Variants in GALNT14 observed in about 807,000 individuals in gnomAD.
The protein encoded by GALNT14 is polypeptide N-acetylgalactosaminyltransferase 14.
GALNT14 carries 60 observed loss-of-function variants against 77.5 expected under a neutral mutation model. The ratio of observed to expected loss-of-function variants is 0.77; its 90% CI spans 0.63 to 0.96. The LOEUF is 0.96. GALNT14 is among the 40% of genes least tolerant of loss of function. The pLI, the probability that GALNT14 is intolerant of heterozygous loss-of-function variation, is 0.00. For missense variants in GALNT14, 710 were observed against 731.0 expected, an observed-to-expected ratio of 0.97 and a Z score of 0.33; for synonymous variants, 280 against 281.7, an observed-to-expected ratio of 0.99 and a Z score of 0.06.
At chr2:30,957,497 T>A (rs535857050) in intron 4 of GALNT14, among the ~76,000 whole-genome samples, 1 of 152,260 alleles carries the variant, frequency 6.6e-6, no homozygotes, top group South Asian at 2.1e-4. Flanking sequence ...TCCAAGCTCT[T>A]CCTCACTGGG....
intron 6 of GALNT14, among the ~76,000 whole-genome samples, chr2:30,952,601 G>T (rs1667092715): frequency 7.6e-6 from 1 of 131,130 alleles, no homozygotes; most frequent in Admixed American, 8.4e-5. Context: ...CACACTCTGG[G>T]GACTGTGGTG....
intron 1 of GALNT14, among the ~76,000 whole-genome samples, chr2:31,103,128 T>G (rs1033525691): frequency 6.6e-6 from 1 of 152,242 alleles, no homozygotes; most frequent in African/African-American, 2.4e-5. Context: ...ATATGACAAA[T>G]AGGCTTATTC....
At chr2:31,016,357 C>T (rs1671359037) in intron 1 of GALNT14, among the ~76,000 whole-genome samples, 1 of 152,140 alleles carries the variant, frequency 6.6e-6, no homozygotes, top group Non-Finnish European at 1.5e-5. Flanking sequence ...GGCCATCTCT[C>T]CAAATACAGT....
rs962122868 is a variant in GALNT14 at position 30,916,600 on chromosome 2, G to A, written c.1381-4258C>T. On this transcript the variant is annotated intron_variant, in intron 13 of 14. Transcript: ENST00000349752. ...AAAACCTTCTGTGCTTGGAGGACAC[G>A]TCTGGAGATGGCCACTGCTGGTGGG... 2.6e-5 allele frequency among the ~76,000 whole-genome samples: 4 copies of A among 152,164 alleles called. 1 individual carries two copies. The highest frequency in any genetic ancestry group is 1.9e-4 in the East Asian group (1 of 5,178).
At chr2:31,030,408 A>G (rs1217321782) in intron 1 of GALNT14, among the ~76,000 whole-genome samples, 2 of 152,206 alleles carry the variant, frequency 1.3e-5, no homozygotes, top group Non-Finnish European at 2.9e-5. Context: ...AAGGAACTTA[A>G]TAGAGGCACT....
rs1674344368 is a variant in GALNT14, at chr2:31,058,003, A to T, written c.130-64996T>A. ...TGTCGGGGACCTCTGCCAGGGCTCC[A>T]GGGTAGCTCCCTCCACCAGTAACAC... On this transcript the variant is annotated intron_variant, in intron 1 of 14. Coordinates refer to ENST00000349752, the MANE Select transcript of GALNT14 (RefSeq NM_024572.4). Among the ~76,000 whole-genome samples, 3 of 152,268 alleles carry T rather than the reference A, an allele frequency of 2.0e-5. No individual in the cohort carries two copies. In the South Asian group the frequency reaches 6.2e-4, roughly 32 times the overall value.
chr2:31,098,634 G>A (rs1213554630), intron 1 of GALNT14, among the ~76,000 whole-genome samples: 1 of 152,080 alleles, frequency 6.6e-6, no homozygotes, highest in Non-Finnish European at 1.5e-5. Flanking sequence ...TGACCCTTGA[G>A]CAGTGTGGGG....
intron 6 of GALNT14, among the ~76,000 whole-genome samples, chr2:30,949,694 C>T (rs1320269456): frequency 6.6e-6 from 1 of 152,226 alleles, no homozygotes; most frequent in African/African-American, 2.4e-5. Flanking sequence ...TGTGAATGGG[C>T]AATCAAAAAG....
intron 1 of GALNT14, among the ~76,000 whole-genome samples, chr2:31,110,670 A>G (rs1487657301): frequency 7.2e-5 from 11 of 152,198 alleles, no homozygotes; most frequent in Admixed American, 5.9e-4. Context: ...TTCTTGGGCA[A>G]GCCATGCCTG....
chr2:31,094,386 G>A (rs1462015466), intron 1 of GALNT14, among the ~76,000 whole-genome samples: 1 of 152,190 alleles, frequency 6.6e-6, no homozygotes, highest in African/African-American at 2.4e-5. Flanking sequence ...CCAGCACCCA[G>A]GTGATTAAAA....
At chr2:31,107,549 G>T (rs986751063) in intron 1 of GALNT14, among the ~76,000 whole-genome samples, 1 of 152,162 alleles carries the variant, frequency 6.6e-6, no homozygotes, top group South Asian at 2.1e-4. Context: ...AGACTGTAAT[G>T]GTATCCAGGA....
chr2:31,053,843 T>C (rs1674048387), intron 1 of GALNT14, among the ~76,000 whole-genome samples: 1 of 152,222 alleles, frequency 6.6e-6, no homozygotes, highest in Non-Finnish European at 1.5e-5. Flanking sequence ...CTTCTCATGC[T>C]GGTTTTTAGA....
At chr2:30,988,484 G>A (rs574638598) in intron 2 of GALNT14, among the ~76,000 whole-genome samples, 76 of 152,332 alleles carry the variant, frequency 5.0e-4, no homozygotes, top group African/African-American at 1.7e-3. Flanking sequence ...GGGAAAGGAG[G>A]GAGGAGCAAG....
chr2:31,003,402 C>A (rs566488071), intron 1 of GALNT14, among the ~76,000 whole-genome samples: 18 of 152,318 alleles, frequency 1.2e-4, no homozygotes, highest in African/African-American at 3.8e-4. Context: ...CCACTTTCCT[C>A]CTCACCCTCC....
In GALNT14 at chr2:30,964,548, A is replaced by G. The variant is rs1383450315; in HGVS notation, c.398+1656T>C. 5.3e-5 allele frequency among the ~76,000 whole-genome samples: 8 copies of G among 152,104 alleles called. No homozygotes were observed. The East Asian group carries it at 1.5e-3, about 29-fold the overall frequency. ...TTGGCACATTTTCTTGTCAAGAGCT[A>G]TTGCCTGGTTGGGAAATCAAATTTG... On this transcript the variant is annotated intron_variant, in intron 3 of 14. Transcript: ENST00000349752.
chr2:31,090,022 C>T (rs926385311), intron 1 of GALNT14, among the ~76,000 whole-genome samples: 3 of 152,342 alleles, frequency 2.0e-5, no homozygotes, highest in Admixed American at 6.5e-5. Flanking sequence ...TGCCTGGCAA[C>T]TGGGACACCA....
chr2:31,050,684 G>A (rs1673797094), intron 1 of GALNT14, among the ~76,000 whole-genome samples: 1 of 152,032 alleles, frequency 6.6e-6, no homozygotes, highest in South Asian at 2.1e-4. Context: ...ACAACGTCAG[G>A]GGGAACTGGG....
At chr2:31,022,578 T>C (rs1671788488) in intron 1 of GALNT14, among the ~76,000 whole-genome samples, 1 of 152,100 alleles carries the variant, frequency 6.6e-6, no homozygotes, top group South Asian at 2.1e-4. Flanking sequence ...ACTTAGCACA[T>C]GTGTATGTGG....
chr2:31,047,782 G>A (rs1243369021), intron 1 of GALNT14, among the ~76,000 whole-genome samples: 4 of 152,190 alleles, frequency 2.6e-5, no homozygotes, highest in African/African-American at 4.8e-5. Flanking sequence ...AGCAGGTCCT[G>A]GAATCTGCAT....
Sources: gnomAD v4.1 joint callset for allele counts (sites outside exome capture counted in the v4.1 genomes callset) on GRCh38, gnomAD v4.1.1 for gene constraint, MANE v1.5 for transcripts, NCBI Gene and HGNC (gene_info 2026-07-23, HGNC 2026-07-21) for gene names.